PTPRD: variants seen among roughly 807,000 people sequenced by gnomAD.
PTPRD encodes receptor-type tyrosine-protein phosphatase delta.
Under a neutral mutation model 214.5 loss-of-function variants are expected in PTPRD, and 34 were observed. That is an observed-to-expected ratio of 0.16 (90% CI 0.12 to 0.21). The LOEUF (loss-of-function observed/expected upper bound fraction) is 0.21, where lower values mean the gene tolerates loss of function less well. Ranked by LOEUF, PTPRD falls within the 10% of genes least tolerant of loss-of-function variation. The probability of loss-of-function intolerance (pLI) is 1.00; values close to 1 mark genes in which losing one functional copy is unlikely to be tolerated. For missense variants in PTPRD, 2,545 were observed against 2,398.7 expected (o/e 1.06, Z -1.27); for synonymous variants, 1,128 against 845.7 (o/e 1.33, Z -5.79).
At chr9:9,316,330 G>A (rs969884102) in intron 9 of PTPRD, among the ~76,000 whole-genome samples, 1 of 151,764 alleles carries the variant, frequency 6.6e-6, no homozygotes, top group African/African-American at 2.4e-5. Context: ...AATATGAACT[G>A]ATTGAATTGC....
intron 14 of PTPRD, among the ~76,000 whole-genome samples, chr9:8,592,857 G>A (rs768043139): frequency 6.6e-6 from 1 of 152,352 alleles, no homozygotes; most frequent in Middle Eastern, 3.4e-3. Context: ...ACTGAACGAA[G>A]TCAAAGACAG....
intron 10 of PTPRD, among the ~76,000 whole-genome samples, chr9:9,056,465 T>C (rs2099696452): frequency 6.6e-6 from 1 of 152,216 alleles, no homozygotes; most frequent in African/African-American, 2.4e-5. Context: ...ACCTGCAGTT[T>C]TGAATTCCTC....
intron 8 of PTPRD, among the ~76,000 whole-genome samples, chr9:9,572,403 A>C (rs2086724167): frequency 6.6e-6 from 1 of 151,332 alleles, no homozygotes; most frequent in Admixed American, 6.6e-5. Context: ...ATGAGGAAAA[A>C]CACATGCAAT....
At chr9:9,960,296 C>G (rs2094267856) in intron 4 of PTPRD, among the ~76,000 whole-genome samples, 1 of 150,190 alleles carries the variant, frequency 6.7e-6, no homozygotes, top group African/African-American at 2.4e-5. Flanking sequence ...AAAGCTATGA[C>G]AGCTTGAATA....
chr9:9,131,036 A>G (rs1340749328), intron 10 of PTPRD, among the ~76,000 whole-genome samples: 1 of 152,194 alleles, frequency 6.6e-6, no homozygotes, highest in Non-Finnish European at 1.5e-5. Context: ...AAAAAAACAA[A>G]TCCGGTGCTT....
rs182164096 is a variant in PTPRD, at chr9:8,577,215, C to T, written c.353-48436G>A. On this transcript the variant is annotated intron_variant, in intron 14 of 45. Coordinates refer to ENST00000381196, the MANE Select transcript of PTPRD (RefSeq NM_002839.4). ...ATGCCATTCTTGCTGCCTGAAAGAA[C>T]TTGAACTCTTTTATTTTTTATTTGT... Among the ~76,000 whole-genome samples the T allele has an allele frequency of 1.3e-3, 199 of 150,756 alleles. 1 individual carries two copies. Among genetic ancestry groups the T allele is most frequent in the African/African-American group, 4.7e-3 (194 of 40,864 alleles).
At chr9:9,114,456 G>A (rs987766631) in intron 10 of PTPRD, among the ~76,000 whole-genome samples, 1 of 152,124 alleles carries the variant, frequency 6.6e-6, no homozygotes, top group African/African-American at 2.4e-5. Flanking sequence ...GGTCCTGTAG[G>A]TGGGCACAAT....
intron 8 of PTPRD, among the ~76,000 whole-genome samples, chr9:9,569,683 G>T (rs1257609893): frequency 1.3e-5 from 2 of 151,560 alleles, no homozygotes; most frequent in Non-Finnish European, 3.0e-5. Context: ...GGTTGATAAA[G>T]TTTGCCTTTA....
chr9:10,567,292 T>C (rs531823654), intron 2 of PTPRD, among the ~76,000 whole-genome samples: 2 of 152,290 alleles, frequency 1.3e-5, no homozygotes, highest in African/African-American at 2.4e-5. Context: ...TACTTCTTAA[T>C]GTGTTTCAAG....
chr9:8,448,786 T>C (rs1050046506), intron 34 of PTPRD, among the ~76,000 whole-genome samples: 14 of 152,200 alleles, frequency 9.2e-5, no homozygotes, highest in African/African-American at 3.1e-4. Flanking sequence ...AAATGTGTAC[T>C]GTAATATATC....
At chr9:9,591,111 G>T (rs1000193623) in intron 7 of PTPRD, among the ~76,000 whole-genome samples, 1 of 151,982 alleles carries the variant, frequency 6.6e-6, no homozygotes, top group African/African-American at 2.4e-5. Flanking sequence ...AAAATAGGAG[G>T]ATTGTCTGGG....
intron 6 of PTPRD, among the ~76,000 whole-genome samples, chr9:9,765,425 G>C (rs1177455701): frequency 1.3e-5 from 2 of 152,036 alleles, no homozygotes; most frequent in Non-Finnish European, 2.9e-5. Context: ...TCAAACCAAG[G>C]ATGCCCAACT....
chr9:8,724,765 C>G (rs1298679316), intron 12 of PTPRD, among the ~76,000 whole-genome samples: 1 of 151,334 alleles, frequency 6.6e-6, no homozygotes, highest in East Asian at 1.9e-4. Flanking sequence ...GAAACCCCAT[C>G]TCTAAAAAAA....
intron 10 of PTPRD, among the ~76,000 whole-genome samples, chr9:9,147,835 T>C (rs574851987): frequency 2.0e-5 from 3 of 152,186 alleles, no homozygotes; most frequent in Non-Finnish European, 2.9e-5. Context: ...TCAGCATCAC[T>C]AGGAAATTTC....
At chr9:9,657,437 C>T (rs182543490) in intron 7 of PTPRD, among the ~76,000 whole-genome samples, 5 of 152,158 alleles carry the variant, frequency 3.3e-5, no homozygotes, top group Admixed American at 6.5e-5. Context: ...GAACATCACA[C>T]ACCGGGGGCC....
chr9:10,359,655 T>C lies in PTPRD; in HGVS notation c.-599-18638A>G, dbSNP rs138304640. Among the ~76,000 whole-genome samples the C allele has an allele frequency of 4.1e-3, 620 of 152,252 alleles. 5 individuals carry two copies. Among genetic ancestry groups the C allele is most frequent in the African/African-American group, 0.014 (601 of 41,564 alleles). ...ATAAATCTCGAAAATATCTGTTTTA[T>C]AATTAAAAATAATTGTGTGTGCTGC... On this transcript the variant is annotated intron_variant, in intron 2 of 45. Transcript: ENST00000381196.
intron 30 of PTPRD, among the ~76,000 whole-genome samples, chr9:8,482,264 A>G (rs1002516064): frequency 7.7e-5 from 11 of 143,530 alleles, no homozygotes; most frequent in African/African-American, 2.9e-4. Context: ...TCTTGATCTC[A>G]TCATTAAAGC....
At chr9:9,254,193 T>C (rs938129393) in intron 9 of PTPRD, among the ~76,000 whole-genome samples, 1 of 152,082 alleles carries the variant, frequency 6.6e-6, no homozygotes, top group African/African-American at 2.4e-5. Flanking sequence ...GAGCACATCT[T>C]ATGGGGGCGG....
chr9:9,005,467 A>G (rs1186835215), intron 11 of PTPRD, among the ~76,000 whole-genome samples: 1 of 152,064 alleles, frequency 6.6e-6, no homozygotes. Context: ...TCATGAAATA[A>G]TTGATGTGCC....
Sources: gnomAD v4.1 joint callset for allele counts (sites outside exome capture counted in the v4.1 genomes callset) on GRCh38, gnomAD v4.1.1 for gene constraint, MANE v1.5 for transcripts, NCBI Gene and HGNC (gene_info 2026-07-23, HGNC 2026-07-21) for gene names.